The following IGFL2 variants were observed in gnomAD, a reference collection of about 807,000 sequenced individuals.
The protein encoded by IGFL2 is IGF like family member 2.
IGFL2 carries 7 observed loss-of-function variants against 13.9 expected under a neutral mutation model. The ratio of observed to expected loss-of-function variants is 0.51; its 90% CI spans 0.29 to 0.95. The LOEUF is 0.95. Among genes scored for constraint, IGFL2 ranks in the 40% least tolerant of loss-of-function variants. The pLI is 0.08. For missense variants in IGFL2, 138 were observed against 147.8 expected (o/e 0.93, Z 0.34); for synonymous variants, 55 against 55.8 (o/e 0.99, Z 0.07).
upstream of IGFL2, among the ~76,000 whole-genome samples, chr19:46,141,712 C>T (rs1972866955): frequency 6.6e-6 from 1 of 152,058 alleles, no homozygotes; most frequent in African/African-American, 2.4e-5. Flanking sequence ...TCTCCTTCTC[C>T]CCATCTTCCC....
At chr19:46,088,822 T>C in the IGFL2 span, among the ~76,000 whole-genome samples, 3 of 152,156 alleles carry the variant, frequency 2.0e-5, no homozygotes, top group Non-Finnish European at 4.4e-5. Context: ...TAGCCTACTG[T>C]TGTATGTTGA....
At chr19:46,138,913 A>G (rs977395667), upstream of IGFL2, among the ~76,000 whole-genome samples, 1 of 152,080 alleles carries the variant, frequency 6.6e-6, no homozygotes, top group Non-Finnish European at 1.5e-5. Flanking sequence ...ATCCCTGTCC[A>G]TGCTCCACTG....
At chr19:46,191,719 A>T in the IGFL2 span, among the ~76,000 whole-genome samples, 1 of 152,076 alleles carries the variant, frequency 6.6e-6, no homozygotes, top group African/African-American at 2.4e-5. Flanking sequence ...TTATGCTGGG[A>T]AGCAGAAATG....
chr19:46,102,749 C>G, the IGFL2 span, among the ~76,000 whole-genome samples: 1 of 152,090 alleles, frequency 6.6e-6, no homozygotes, highest in Non-Finnish European at 1.5e-5. Context: ...GCTGAGAGAC[C>G]TGACATTTCT....
chr19:46,121,550 T>C, the IGFL2 span, among the ~76,000 whole-genome samples: 1 of 149,512 alleles, frequency 6.7e-6, no homozygotes, highest in Non-Finnish European at 1.5e-5. Flanking sequence ...AAAGAAAAAT[T>C]GAGGAATTAT....
chr19:46,206,906 T>G, the IGFL2 span: 1 of 152,194 alleles, frequency 6.6e-6, no homozygotes, highest in Non-Finnish European at 1.5e-5. Flanking sequence ...TGCAGGACTC[T>G]GGAAATTGCA....
chr19:46,151,763 A>G (rs888792248), intron 1 of IGFL2, among the ~76,000 whole-genome samples: 7 of 152,248 alleles, frequency 4.6e-5, no homozygotes, highest in African/African-American at 1.4e-4. Flanking sequence ...AATGCAAAAA[A>G]TTAGCCAGGC....
the IGFL2 span, among the ~76,000 whole-genome samples, chr19:46,179,097 C>T: frequency 6.6e-6 from 1 of 150,970 alleles, no homozygotes; most frequent in Non-Finnish European, 1.5e-5. Context: ...GGGGTCCGGG[C>T]AGATCTGGTT....
At chr19:46,169,520 G>T in the IGFL2 span, among the ~76,000 whole-genome samples, 596 of 152,266 alleles carry the variant, frequency 3.9e-3, 3 homozygotes, top group African/African-American at 0.012. Context: ...GATAGTGTTG[G>T]AGACCTAATG....
the IGFL2 span, among the ~76,000 whole-genome samples, chr19:46,175,684 G>A: frequency 6.6e-6 from 1 of 151,106 alleles, no homozygotes; most frequent in Non-Finnish European, 1.5e-5. Context: ...GATTACAGGC[G>A]CCCGCCACCA....
At chr19:46,110,921 T>TC in the IGFL2 span, among the ~76,000 whole-genome samples, 704 of 152,360 alleles carry the variant, frequency 4.6e-3, 11 homozygotes, top group Admixed American at 0.029. Context: ...TAAGAAATAT[T>TC]CCTTGATTTA....
the IGFL2 span, among the ~76,000 whole-genome samples, chr19:46,201,297 C>T: frequency 1.3e-5 from 2 of 152,244 alleles, no homozygotes; most frequent in Non-Finnish European, 2.9e-5. Context: ...TCAGTGCCCT[C>T]AGGATAGACT....
At chr19:46,172,042 C>G in the IGFL2 span, among the ~76,000 whole-genome samples, 1 of 152,102 alleles carries the variant, frequency 6.6e-6, no homozygotes, top group East Asian at 1.9e-4. Context: ...CTTATTTTTG[C>G]TTTGGATTAA....
At chr19:46,079,878 C>G in the IGFL2 span, among the ~76,000 whole-genome samples, 7 of 152,312 alleles carry the variant, frequency 4.6e-5, no homozygotes, top group African/African-American at 1.7e-4. Context: ...TTTTAGATCA[C>G]TACAATGCTG....
the IGFL2 span, among the ~76,000 whole-genome samples, chr19:46,129,258 T>C: frequency 6.6e-6 from 1 of 152,074 alleles, no homozygotes; most frequent in Non-Finnish European, 1.5e-5. Flanking sequence ...GTGTTCTATC[T>C]ATTTTATTAA....
At chr19:46,200,509 C>T in the IGFL2 span, among the ~76,000 whole-genome samples, 61 of 37,276 alleles carry the variant, frequency 1.6e-3, no homozygotes, top group African/African-American at 4.5e-3. Context: ...CTTTTCTTTT[C>T]TCTTTTCTTT....
chr19:46,168,122 A>G, the IGFL2 span, among the ~76,000 whole-genome samples: 2 of 152,090 alleles, frequency 1.3e-5, no homozygotes, highest in African/African-American at 2.4e-5. Flanking sequence ...TTTTTTAGAG[A>G]CTAGGTCTCG....
At chr19:46,207,371 C>T in the IGFL2 span, 1 of 151,528 alleles carries the variant, frequency 6.6e-6, no homozygotes, top group Non-Finnish European at 1.5e-5. Context: ...TACCTGGGGA[C>T]CCTTCCCTAA....
the IGFL2 span, among the ~76,000 whole-genome samples, chr19:46,128,909 A>G: frequency 2.5e-3 from 374 of 152,324 alleles, no homozygotes; most frequent in African/African-American, 8.8e-3. Context: ...GAATACTTTC[A>G]GTAGGAATGG....
Sources: gnomAD v4.1 joint callset for allele counts (sites outside exome capture counted in the v4.1 genomes callset) on GRCh38, gnomAD v4.1.1 for gene constraint, MANE v1.5 for transcripts, NCBI Gene and HGNC (gene_info 2026-07-23, HGNC 2026-07-21) for gene names.